Variants in B3GALT1 observed in about 807,000 individuals in gnomAD.
B3GALT1 encodes the protein beta-1,3-galactosyltransferase 1, also known as UDP-Gal:betaGlcNAc beta 1,3-galactosyltransferase, polypeptide 1.
In B3GALT1, 10 loss-of-function variants were observed where a neutral mutation model predicts 23.2. The ratio of observed to expected loss-of-function variants is 0.43; its 90% CI spans 0.27 to 0.73. The LOEUF (loss-of-function observed/expected upper bound fraction) is 0.73. B3GALT1 is among the 30% of genes least tolerant of loss of function. The probability of loss-of-function intolerance (pLI) is 0.21; values close to 1 mark genes in which losing one functional copy is unlikely to be tolerated. For synonymous variants in B3GALT1, 156 were observed against 141.5 expected, an observed-to-expected ratio of 1.10 and a Z score of -0.73; for missense variants, 299 against 405.4, an observed-to-expected ratio of 0.74 and a Z score of 2.25.
intron 3 of B3GALT1, among the ~76,000 whole-genome samples, chr2:167,777,379 C>T (rs1399082501): frequency 6.6e-6 from 1 of 152,134 alleles, no homozygotes; most frequent in South Asian, 2.1e-4. Flanking sequence ...CAGAGTCTTG[C>T]TCTGTTGCCC....
At position 167,524,781 on chromosome 2, in the gene B3GALT1, T is replaced by C. The variant is rs1172114676; in HGVS notation, c.-410+34504T>C. ...CAGAGAGAAAGCTCACAAGTATATA[T>C]TGTTATCAAGCCAAATAGTCACACT... On this transcript the variant is annotated intron_variant, in intron 2 of 4. Transcript: ENST00000392690. Among the ~76,000 whole-genome samples, 3 of 152,210 alleles carry C rather than the reference T, an allele frequency of 2.0e-5. No homozygotes were observed. The East Asian group carries it at 5.8e-4, about 29-fold the overall frequency.
chr2:167,394,843 A>G (rs1698071268), intron 1 of B3GALT1, among the ~76,000 whole-genome samples: 1 of 152,182 alleles, frequency 6.6e-6, no homozygotes, highest in Admixed American at 6.5e-5. Context: ...ACTTAGAGCC[A>G]GGGATTCCTT....
chr2:167,407,571 A>G (rs1698305423), intron 1 of B3GALT1, among the ~76,000 whole-genome samples: 1 of 152,038 alleles, frequency 6.6e-6, no homozygotes, highest in South Asian at 2.1e-4. Flanking sequence ...AAGGTAAAAA[A>G]AAAAATCAAC....
intron 1 of B3GALT1, among the ~76,000 whole-genome samples, chr2:167,302,841 A>G (rs10497324): frequency 0.057 from 8,664 of 152,280 alleles, 287 homozygotes; most frequent in East Asian, 0.15. Flanking sequence ...ACATAAATCC[A>G]AAAACAAATA....
Position 167,714,663 on chromosome 2 carries a change from G to A in B3GALT1, c.-352+67697G>A, listed in dbSNP as rs1316169007. 59 of 1,613,692 alleles carry A rather than the reference G, an allele frequency of 3.7e-5. 1 individual carries two copies. Among genetic ancestry groups the A allele is most frequent in the South Asian group, 9.9e-5 (9 of 91,058 alleles). On this transcript the variant is annotated intron_variant, in intron 3 of 4. Transcript: ENST00000392690. ...TCATTGAGGTTTCTTTCAGCAGTCC[G>A]AGCTGCCAACCAATTATTATGTCCT...
chr2:167,599,576 G>A (rs1191762835), intron 2 of B3GALT1, among the ~76,000 whole-genome samples: 11 of 152,140 alleles, frequency 7.2e-5, no homozygotes, highest in Admixed American at 5.9e-4. Flanking sequence ...TTTTGTGGGC[G>A]TTTTCTTCCC....
intron 1 of B3GALT1, among the ~76,000 whole-genome samples, chr2:167,442,086 G>T (rs1698903659): frequency 6.7e-6 from 1 of 148,338 alleles, no homozygotes. Flanking sequence ...GTGTCCATGT[G>T]ATCTCATTGT....
chr2:167,810,675 TG>T (rs1558987063), intron 3 of B3GALT1, among the ~76,000 whole-genome samples: 1 of 150,880 alleles, frequency 6.6e-6, no homozygotes, highest in Non-Finnish European at 1.5e-5. Flanking sequence ...CAACTAAGCT[TG>T]CTAAGCCTCA....
chr2:167,312,977 T>C (rs1169357050), intron 1 of B3GALT1, among the ~76,000 whole-genome samples: 1 of 152,122 alleles, frequency 6.6e-6, no homozygotes, highest in Non-Finnish European at 1.5e-5. Context: ...AAACATACCA[T>C]TACATTACGA....
intron 1 of B3GALT1, among the ~76,000 whole-genome samples, chr2:167,352,327 A>G (rs1434137985): frequency 6.7e-6 from 1 of 149,696 alleles, no homozygotes; most frequent in African/African-American, 2.5e-5. Flanking sequence ...TGCATAATCA[A>G]TTTATTAAGA....
In B3GALT1 at chr2:167,698,046, C is replaced by T. The variant is rs577942453; in HGVS notation, c.-352+51080C>T. 2.0e-5 allele frequency among the ~76,000 whole-genome samples: 3 copies of T among 152,282 alleles called. No individual in the cohort carries two copies. In the East Asian group the frequency reaches 5.8e-4, roughly 29 times the overall value. On this transcript the variant is annotated intron_variant, in intron 3 of 4. Coordinates refer to ENST00000392690, the MANE Select transcript of B3GALT1 (RefSeq NM_020981.4). Reference sequence around the variant, plus strand: ...GTATTATCATGATTGCACTTCATAACTGTGAATTTTAAAAAGACCATGTTT... The same window carrying T: ...GTATTATCATGATTGCACTTCATAATTGTGAATTTTAAAAAGACCATGTTT...
chr2:167,448,529 A>G lies in B3GALT1; in HGVS notation c.-510-41648A>G, dbSNP rs187051652. On this transcript the variant is annotated intron_variant, in intron 1 of 4. Transcript: ENST00000392690. ...TGGATACCCGTCCTTTGTCAGATGT[A>G]TAGATTGTGAAGATTTTCTCTCACT... Among the ~76,000 whole-genome samples the G allele has an allele frequency of 1.4e-4, 21 of 152,168 alleles. No individual in the cohort carries two copies. In the East Asian group the frequency reaches 3.9e-3, roughly 28 times the overall value.
chr2:167,652,187 C>A (rs902405378), intron 3 of B3GALT1, among the ~76,000 whole-genome samples: 1 of 152,160 alleles, frequency 6.6e-6, no homozygotes, highest in East Asian at 1.9e-4. Context: ...AATCTACCAA[C>A]AGCTAAGAAC....
At chr2:167,622,938 TCAAA>T (rs1160044276) in intron 2 of B3GALT1, among the ~76,000 whole-genome samples, 2 of 152,072 alleles carry the variant, frequency 1.3e-5, no homozygotes, top group South Asian at 4.1e-4. Flanking sequence ...GGACTCAAGA[TCAAA>T]CAGTCAAGAT....
intron 3 of B3GALT1, among the ~76,000 whole-genome samples, chr2:167,787,499 T>C (rs1688361002): frequency 6.6e-6 from 1 of 152,224 alleles, no homozygotes; most frequent in African/African-American, 2.4e-5. Flanking sequence ...ATGTATTTGA[T>C]TCTATTTGTC....
chr2:167,495,389 A>G (rs1057349683), intron 2 of B3GALT1, among the ~76,000 whole-genome samples: 13 of 136,930 alleles, frequency 9.5e-5, no homozygotes, highest in African/African-American at 3.6e-4. Flanking sequence ...GCTGGAGTGC[A>G]ATGTCACAAT....
chr2:167,572,590 T>A (rs2105401174), intron 2 of B3GALT1, among the ~76,000 whole-genome samples: 1 of 151,854 alleles, frequency 6.6e-6, no homozygotes, highest in East Asian at 1.9e-4. Context: ...TCATGAATAT[T>A]TAAGGAAAGC....
At chr2:167,514,426 A>G (rs1004436312) in intron 2 of B3GALT1, among the ~76,000 whole-genome samples, 3 of 152,168 alleles carry the variant, frequency 2.0e-5, no homozygotes, top group Non-Finnish European at 4.4e-5. Context: ...GTAATATCCT[A>G]CAAGAGAACA....
intron 2 of B3GALT1, among the ~76,000 whole-genome samples, chr2:167,603,554 A>C (rs1684910159): frequency 6.6e-6 from 1 of 152,254 alleles, no homozygotes. Flanking sequence ...GAACCTCATT[A>C]GGCAGCCTCT....
Sources: gnomAD v4.1 joint callset for allele counts (sites outside exome capture counted in the v4.1 genomes callset) on GRCh38, gnomAD v4.1.1 for gene constraint, MANE v1.5 for transcripts, NCBI Gene and HGNC (gene_info 2026-07-23, HGNC 2026-07-21) for gene names.